The following CABLES1 variants were observed in gnomAD, a reference collection of about 807,000 sequenced individuals.
CABLES1 encodes CDK5 and ABL1 enzyme substrate 1.
In CABLES1, 36 loss-of-function variants were observed where a neutral mutation model predicts 57.8. That is an observed-to-expected ratio of 0.62 (90% CI 0.48 to 0.82). CABLES1 has a LOEUF of 0.82. Ranked by LOEUF, CABLES1 falls within the 40% of genes least tolerant of loss-of-function variation. The probability of loss-of-function intolerance (pLI) is 0.00; values close to 1 mark genes in which losing one functional copy is unlikely to be tolerated. For missense variants in CABLES1, 767 were observed against 836.6 expected (o/e 0.92, Z 1.03); for synonymous variants, 374 against 363.0 (o/e 1.03, Z -0.35).
intron 1 of CABLES1, among the ~76,000 whole-genome samples, chr18:23,139,845 A>C (rs906046251): frequency 1.3e-5 from 2 of 152,190 alleles, no homozygotes; most frequent in African/African-American, 4.8e-5. Context: ...CTTGCACACA[A>C]TAGGCCCATA....
chr18:23,194,673 C>T, intron 3 of CABLES1, 133 bp downstream of exon 3: 1 of 624,348 alleles, frequency 1.6e-6, no homozygotes, highest in Non-Finnish European at 2.9e-6. Flanking sequence ...TCTCATGGAA[C>T]CTTCCCCGAC....
intron 4 of CABLES1, among the ~76,000 whole-genome samples, chr18:23,216,584 A>C (rs2145056548): frequency 6.6e-6 from 1 of 152,314 alleles, no homozygotes; most frequent in East Asian, 1.9e-4. Context: ...GGAGATTTAG[A>C]ATTTTTATTA....
chr18:23,170,584 A>G (rs2047075293), intron 1 of CABLES1, among the ~76,000 whole-genome samples: 1 of 152,140 alleles, frequency 6.6e-6, no homozygotes. Context: ...GGTTTTATGA[A>G]CCCAGGAAAA....
rs191884124 is a variant in CABLES1, at chr18:23,254,866, C to T, written c.1761+930C>T. Reference sequence around the variant, plus strand: ...CATGAAGGATTAGGGCATCCACATACGAATTTGGGGGGACACAAACATTCA... The same window carrying T: ...CATGAAGGATTAGGGCATCCACATATGAATTTGGGGGGACACAAACATTCA... On this transcript the variant is annotated intron_variant, in intron 9 of 9. Transcript: ENST00000256925. Among the ~76,000 whole-genome samples the T allele has an allele frequency of 1.4e-3, 208 of 152,288 alleles. 4 individuals carry two copies. Among genetic ancestry groups the T allele is most frequent in the Admixed American group, 2.6e-3 (39 of 15,292 alleles).
intron 1 of CABLES1, among the ~76,000 whole-genome samples, chr18:23,182,357 T>C (rs2047173491): frequency 6.6e-6 from 1 of 152,204 alleles, no homozygotes; most frequent in Non-Finnish European, 1.5e-5. Context: ...TGGAGGTTGG[T>C]TATGATCATT....
intron 4 of CABLES1, among the ~76,000 whole-genome samples, chr18:23,224,718 G>A (rs577373920): frequency 3.3e-5 from 5 of 151,464 alleles, no homozygotes; most frequent in African/African-American, 1.2e-4. Flanking sequence ...ACAGGTGCCC[G>A]CCACTACACC....
intron 3 of CABLES1, among the ~76,000 whole-genome samples, chr18:23,201,861 A>G (rs1023263974): frequency 7.2e-4 from 109 of 152,288 alleles, no homozygotes; most frequent in African/African-American, 2.5e-3. Context: ...CTCTGGGGCA[A>G]TGGGGAGACC....
chr18:23,153,181 G>A (rs1052345303), intron 1 of CABLES1, among the ~76,000 whole-genome samples: 5 of 151,472 alleles, frequency 3.3e-5, no homozygotes, highest in East Asian at 3.9e-4. Context: ...CTGCAGCCTC[G>A]ACCTCCTGGA....
At chr18:23,180,372 T>G (rs1475677654) in intron 1 of CABLES1, among the ~76,000 whole-genome samples, 2 of 152,140 alleles carry the variant, frequency 1.3e-5, no homozygotes, top group Non-Finnish European at 2.9e-5. Flanking sequence ...GCTGTGGCAG[T>G]CAACAGCTTA....
chr18:23,202,068 G>A (rs1277486210), intron 3 of CABLES1, among the ~76,000 whole-genome samples: 5 of 144,628 alleles, frequency 3.5e-5, no homozygotes, highest in African/African-American at 7.8e-5. Context: ...GAAGGAAGGC[G>A]AGATGAGCTC....
intron 1 of CABLES1, among the ~76,000 whole-genome samples, chr18:23,184,271 GC>G (rs2047186905): frequency 6.6e-6 from 1 of 151,990 alleles, no homozygotes; most frequent in Admixed American, 6.6e-5. Flanking sequence ...GATCAGAAGT[GC>G]CCATGCGTGC....
chr18:23,193,525 A>C (rs2047260911), intron 2 of CABLES1, among the ~76,000 whole-genome samples: 1 of 152,232 alleles, frequency 6.6e-6, no homozygotes, highest in African/African-American at 2.4e-5. Flanking sequence ...GAATCAGGTC[A>C]CAGGCACCCA....
intron 7 of CABLES1, among the ~76,000 whole-genome samples, chr18:23,247,368 C>T (rs1272584360): frequency 3.9e-5 from 6 of 152,202 alleles, no homozygotes; most frequent in South Asian, 2.1e-4. Context: ...CAGAGTGATC[C>T]GTCCAGTTTC....
At chr18:23,166,150 C>A (rs1020273669) in intron 1 of CABLES1, among the ~76,000 whole-genome samples, 3 of 151,930 alleles carry the variant, frequency 2.0e-5, no homozygotes, top group African/African-American at 7.3e-5. Flanking sequence ...ACCAGAATAC[C>A]ATAACAGTAT....
chr18:23,164,077 T>C (rs1318007416), intron 1 of CABLES1, among the ~76,000 whole-genome samples: 1 of 152,208 alleles, frequency 6.6e-6, no homozygotes, highest in East Asian at 1.9e-4. Flanking sequence ...CTTAGGACTC[T>C]GTGGCCACAG....
chr18:23,146,223 T>A (rs917600630), intron 1 of CABLES1, among the ~76,000 whole-genome samples: 9 of 152,214 alleles, frequency 5.9e-5, no homozygotes, highest in African/African-American at 2.2e-4. Flanking sequence ...TGGAAGATAT[T>A]CAAAGTCTAA....
chr18:23,171,327 CCACGGTG>C (rs2144990274), intron 1 of CABLES1, among the ~76,000 whole-genome samples: 1 of 152,316 alleles, frequency 6.6e-6, no homozygotes, highest in East Asian at 1.9e-4. Context: ...ATCCTGGATT[CCACGGTG>C]CCTTGTAGTG....
chr18:23,224,863 C>G (rs180954955), intron 4 of CABLES1, among the ~76,000 whole-genome samples: 10 of 151,880 alleles, frequency 6.6e-5, no homozygotes, highest in Non-Finnish European at 1.5e-5. Context: ...GCCACCGCAC[C>G]CGGCCTTCTT....
chr18:23,250,309 G>A (rs922013160), intron 7 of CABLES1, among the ~76,000 whole-genome samples: 66 of 149,896 alleles, frequency 4.4e-4, no homozygotes, highest in African/African-American at 1.5e-3. Flanking sequence ...GAGTAGAAGC[G>A]GCCTGTCTCT....
Sources: allele counts gnomAD v4.1 joint callset (sites outside exome capture counted in the v4.1 genomes callset), GRCh38; gene constraint gnomAD v4.1.1; transcripts MANE v1.5; gene names NCBI Gene and HGNC (gene_info 2026-07-23, HGNC 2026-07-21).